The following SAMMSON variants were observed in gnomAD, a reference collection of about 807,000 sequenced individuals.
SAMMSON encodes survival associated mitochondrial melanoma specific oncogenic non-coding RNA, also known as long intergenic non-protein coding RNA 1212.
chr3:70,295,342 T>G (rs1490751950), intron 7 of SAMMSON, among the ~76,000 whole-genome samples: 1 of 152,146 alleles, frequency 6.6e-6, no homozygotes, highest in Non-Finnish European at 1.5e-5. Context: ...GAGTCCAGAT[T>G]TCAAATATAG....
At chr3:70,187,427 CTTTTTTTTTTTTT>C (rs928465556) in intron 4 of SAMMSON, among the ~76,000 whole-genome samples, 5 of 73,116 alleles carry the variant, frequency 6.8e-5, no homozygotes, top group Admixed American at 3.1e-4. Flanking sequence ...GGGACCAACT[CTTTTTTTTTTTTT>C]TTTTTTTTTT....
At chr3:70,350,047 G>T (rs1320138648) in intron 7 of SAMMSON, among the ~76,000 whole-genome samples, 1 of 152,092 alleles carries the variant, frequency 6.6e-6, no homozygotes, top group Non-Finnish European at 1.5e-5. Flanking sequence ...CTTCCTTTTG[G>T]ATACTTAACT....
chr3:70,048,934 G>A (rs1462442832), intron 3 of SAMMSON, among the ~76,000 whole-genome samples: 1 of 152,114 alleles, frequency 6.6e-6, no homozygotes, highest in Non-Finnish European at 1.5e-5. Flanking sequence ...AAGGCGGCAG[G>A]ATTTGGGATA....
chr3:70,308,909 A>C (rs1319517398), intron 7 of SAMMSON, among the ~76,000 whole-genome samples: 1 of 152,160 alleles, frequency 6.6e-6, no homozygotes, highest in Non-Finnish European at 1.5e-5. Context: ...TTCCAAGCCG[A>C]ATAAGGCATT....
At chr3:70,027,396 T>C (rs2067045189) in intron 3 of SAMMSON, among the ~76,000 whole-genome samples, 1 of 152,202 alleles carries the variant, frequency 6.6e-6, no homozygotes, top group South Asian at 2.1e-4. Flanking sequence ...CTGAAAAATT[T>C]AAGTGAGCAA....
chr3:70,290,370 T>G lies in SAMMSON; in HGVS notation n.675-809T>G, dbSNP rs112977368. Among the ~76,000 whole-genome samples, 24 of 152,266 alleles carry G rather than the reference T, an allele frequency of 1.6e-4. 1 individual carries two copies. Among genetic ancestry groups the G allele is most frequent in the African/African-American group, 5.3e-4 (22 of 41,560 alleles). On this transcript the variant is annotated intron_variant and non_coding_transcript_variant, in intron 6 of 9. Coordinates refer to ENST00000642114, the Ensembl canonical transcript of SAMMSON. ...GGGGGGTGCCTCCCAGTTAGGCTGC[T>G]CGGGGGCCAGGGGTCAGGGACCCAC...
chr3:70,019,587 C>T (rs899753377), intron 3 of SAMMSON, among the ~76,000 whole-genome samples: 4 of 152,008 alleles, frequency 2.6e-5, no homozygotes, highest in African/African-American at 7.2e-5. Context: ...TTTACAGTTA[C>T]GGTTAATATT....
intron 4 of SAMMSON, among the ~76,000 whole-genome samples, chr3:70,141,007 A>C (rs887654070): frequency 6.6e-6 from 1 of 152,008 alleles, no homozygotes; most frequent in South Asian, 2.1e-4. Context: ...ATTCATGGCA[A>C]TGTAGGTTTT....
chr3:70,322,486 C>T (rs1404707228), intron 7 of SAMMSON, among the ~76,000 whole-genome samples: 2 of 152,100 alleles, frequency 1.3e-5, no homozygotes, highest in African/African-American at 4.8e-5. Flanking sequence ...TTCTTTCGTC[C>T]AGTACTTGAT....
At chr3:70,291,004 A>G (rs984772347) in intron 6 of SAMMSON, among the ~76,000 whole-genome samples, 1 of 152,190 alleles carries the variant, frequency 6.6e-6, no homozygotes, top group Non-Finnish European at 1.5e-5. Context: ...ATGGAAATGC[A>G]GAAATCACCG....
At chr3:70,371,771 A>G (rs751590261) in intron 9 of SAMMSON, among the ~76,000 whole-genome samples, 1 of 152,092 alleles carries the variant, frequency 6.6e-6, no homozygotes, top group South Asian at 2.1e-4. Context: ...AGTTCATGTC[A>G]TCTGCAAAGA....
At chr3:70,162,120 G>A (rs776222504) in intron 4 of SAMMSON, among the ~76,000 whole-genome samples, 13 of 151,394 alleles carry the variant, frequency 8.6e-5, no homozygotes, top group Non-Finnish European at 7.4e-5. Context: ...TTATTTTTCT[G>A]TTTTCTAATT....
intron 4 of SAMMSON, among the ~76,000 whole-genome samples, chr3:70,233,523 T>C (rs934947540): frequency 6.6e-6 from 1 of 152,208 alleles, no homozygotes; most frequent in Admixed American, 6.5e-5. Flanking sequence ...TGACAAGGCT[T>C]TAAAGCATAA....
At chr3:70,019,369 T>C (rs947737212) in intron 3 of SAMMSON, among the ~76,000 whole-genome samples, 7 of 152,166 alleles carry the variant, frequency 4.6e-5, no homozygotes, top group African/African-American at 1.7e-4. Flanking sequence ...ACTTTGTTGG[T>C]TTAAAGTCTG....
At chr3:70,409,158 C>T (rs747923460) in intron 2 of SAMMSON, among the ~76,000 whole-genome samples, 14 of 152,132 alleles carry the variant, frequency 9.2e-5, no homozygotes, top group Non-Finnish European at 1.6e-4. Context: ...TGGGTGGGGA[C>T]ATAGCCAAAC....
In SAMMSON at chr3:70,051,445, CTA is replaced by C. The variant is rs529243163; in HGVS notation, n.418-20030_418-20029del. On this transcript the variant is annotated intron_variant and non_coding_transcript_variant, in intron 3 of 9. Coordinates refer to ENST00000642114, the Ensembl canonical transcript of SAMMSON. ...AAAAGTAAGTGCGGTTTTTGCCATTCTAATGGCAAAAACCACAATTACTTTTT... is the reference window on the plus strand; with the variant it reads ...AAAAGTAAGTGCGGTTTTTGCCATTCATGGCAAAAACCACAATTACTTTTT... Among the ~76,000 whole-genome samples, 24 of 143,350 alleles carry C rather than the reference CTA, an allele frequency of 1.7e-4. No homozygotes were observed. In the East Asian group the frequency reaches 5.1e-3, roughly 30 times the overall value. The allele number at this position is 143,350 out of a possible 152,430, so 94.0% of individuals were successfully genotyped here. A position where few individuals can be genotyped will look rare whatever the true frequency, so the allele number is the denominator to read the frequency against.
intron 2 of SAMMSON, among the ~76,000 whole-genome samples, chr3:70,407,600 G>A (rs568173179): frequency 6.6e-6 from 1 of 152,244 alleles, no homozygotes; most frequent in Non-Finnish European, 1.5e-5. Context: ...TCCAGGTTAT[G>A]CTGATGGAAG....
chr3:70,305,427 A>G (rs1702390949), intron 7 of SAMMSON, among the ~76,000 whole-genome samples: 1 of 152,212 alleles, frequency 6.6e-6, no homozygotes, highest in Non-Finnish European at 1.5e-5. Context: ...AATTTAAAAT[A>G]AGCATTAGTG....
intron 4 of SAMMSON, among the ~76,000 whole-genome samples, chr3:70,209,543 T>A (rs1344088452): frequency 6.6e-6 from 1 of 152,138 alleles, no homozygotes; most frequent in African/African-American, 2.4e-5. Flanking sequence ...AGTTAGCAGA[T>A]GAATGAAGGT....
Sources: gnomAD v4.1 joint callset for allele counts (sites outside exome capture counted in the v4.1 genomes callset) on GRCh38, gnomAD v4.1.1 for gene constraint, MANE v1.5 for transcripts, NCBI Gene and HGNC (gene_info 2026-07-23, HGNC 2026-07-21) for gene names.